CCDC150: variants seen among roughly 807,000 people sequenced by gnomAD.
CCDC150 encodes coiled-coil domain-containing protein 150.
In CCDC150, 151 loss-of-function variants were observed where a neutral mutation model predicts 156.5. That is an observed-to-expected ratio of 0.97 (90% CI 0.85 to 1.10). The LOEUF (loss-of-function observed/expected upper bound fraction) is 1.10. Ranked by LOEUF, CCDC150 falls within the 50% of genes least tolerant of loss-of-function variation. The pLI is 0.00. For synonymous variants in CCDC150, 452 were observed against 429.4 expected (o/e 1.05, Z -0.65); for missense variants, 1,312 against 1,268.1 (o/e 1.03, Z -0.53).
chr2:196,723,225 G>A (rs1698023847), intron 21 of CCDC150, among the ~76,000 whole-genome samples: 2 of 152,180 alleles, frequency 1.3e-5, no homozygotes, highest in African/African-American at 4.8e-5. Context: ...GCTAAACGCC[G>A]GGTGCGGTGG....
rs72918635 is a variant in CCDC150, at chr2:196,694,427, A to G, written c.1510-619A>G. Among the ~76,000 whole-genome samples, 866 of 152,310 alleles carry G rather than the reference A, an allele frequency of 5.7e-3. 3 individuals carry two copies. The highest frequency in any genetic ancestry group is 9.8e-3 in the Non-Finnish European group (665 of 68,030). ...AAATACCAGAAGGACTTTAACTTAT[A>G]GTAAAGGGGAACTATATAATTTACG... On this transcript the variant is annotated intron_variant, in intron 13 of 27. Transcript: ENST00000389175.
chr2:196,669,319 C>T (rs1310448241), intron 7 of CCDC150, among the ~76,000 whole-genome samples: 1 of 152,128 alleles, frequency 6.6e-6, no homozygotes, highest in Non-Finnish European at 1.5e-5. Context: ...CCACTGTTTA[C>T]CCTGCTGCCC....
intron 8 of CCDC150, among the ~76,000 whole-genome samples, chr2:196,671,479 G>C (rs1694202824): frequency 7.0e-6 from 1 of 143,010 alleles, no homozygotes; most frequent in African/African-American, 2.6e-5. Context: ...ACTCAGGCTG[G>C]AGTGCATTGG....
chr2:196,679,162 G>A (rs1575818138), intron 13 of CCDC150, among the ~76,000 whole-genome samples: 1 of 152,070 alleles, frequency 6.6e-6, no homozygotes, highest in African/African-American at 2.4e-5. Flanking sequence ...AAAAAGTCAG[G>A]TTAATTGTTA....
intron 24 of CCDC150, 42 bp from the exon 25 acceptor site, chr2:196,729,915 G>A (rs1320984184): frequency 6.2e-7 from 1 of 1,606,888 alleles, no homozygotes; most frequent in East Asian, 2.2e-5. Flanking sequence ...TCTCAAACTT[G>A]GAGGGTGTTC....
chr2:196,716,217 G>C (rs1040994918), intron 17 of CCDC150, among the ~76,000 whole-genome samples: 16 of 152,142 alleles, frequency 1.1e-4, no homozygotes, highest in South Asian at 2.1e-4. Context: ...CTTTAAAAGC[G>C]AAACATACTA....
Position 196,729,303 on chromosome 2 carries a change from G to C in CCDC150, c.2667G>C (p.Lys889Asn). Residue 889 changes from lysine to asparagine, a missense_variant, in exon 23 of 28, where the codon AAG becomes AAC. Physicochemically the swap from Lys to Asn is moderately conservative, Grantham distance 94. Coordinates refer to ENST00000389175, the MANE Select transcript of CCDC150 (RefSeq NM_001080539.2). ...TAGAAAAAATACTAGAAAGTAACAA[G>C]GAGAAAATAAAGAATCAAAAGACCC... ...AELEKILESN[K>N]EKIKNQKTQI... is the part of the protein sequence containing the mutation. 1.2e-6 allele frequency: 2 copies of C among 1,613,508 alleles called. No homozygotes were observed. Among genetic ancestry groups the C allele is most frequent in the South Asian group, 2.2e-5 (2 of 91,052 alleles).
rs1310948387 is a variant in CCDC150 at position 196,656,567 on chromosome 2, A to T, written c.177-66A>T. On this transcript the variant is annotated intron_variant, in intron 2 of 27. Coordinates refer to ENST00000389175, the MANE Select transcript of CCDC150 (RefSeq NM_001080539.2). ...CTTATTGGAAATGTTACATTGACTC[A>T]GTTTTTGGGATTACCATAGTAGAAA... 3 of 1,074,740 alleles carry T rather than the reference A, an allele frequency of 2.8e-6. No individual in the cohort carries two copies. In the African/African-American group the frequency reaches 4.8e-5, roughly 17 times the overall value. 66.6% of individuals were successfully genotyped at this position (1,074,740 alleles called of 1,614,324 possible).
At chr2:196,688,741 T>C (rs1301970557) in intron 13 of CCDC150, among the ~76,000 whole-genome samples, 2 of 151,970 alleles carry the variant, frequency 1.3e-5, no homozygotes, top group Non-Finnish European at 2.9e-5. Context: ...AGAAGCTCTT[T>C]AGTTTAATTA....
At chr2:196,717,247 T>C (rs1248758309) in intron 17 of CCDC150, among the ~76,000 whole-genome samples, 2 of 152,006 alleles carry the variant, frequency 1.3e-5, no homozygotes, top group Non-Finnish European at 2.9e-5. Flanking sequence ...TACATCAGTG[T>C]AGTATGGGAA....
At chr2:196,691,038 A>C (rs1467894142) in intron 13 of CCDC150, among the ~76,000 whole-genome samples, 1 of 150,538 alleles carries the variant, frequency 6.6e-6, no homozygotes, top group Admixed American at 6.7e-5. Flanking sequence ...ACTACCTTGC[A>C]TCCCAGGGAT....
chr2:196,649,455 C>T (rs933837792), intron 2 of CCDC150, among the ~76,000 whole-genome samples: 3 of 152,080 alleles, frequency 2.0e-5, no homozygotes, highest in Non-Finnish European at 2.9e-5. Flanking sequence ...ATACAAATAC[C>T]ATTGTTTTAC....
chr2:196,666,801 A>G lies in CCDC150; in HGVS notation c.845A>G (p.Lys282Arg). 2 of 1,613,846 alleles carry G rather than the reference A, an allele frequency of 1.2e-6. No homozygotes were observed. Among genetic ancestry groups the G allele is most frequent in the Non-Finnish European group, 8.5e-7 (1 of 1,179,780 alleles). The change falls in exon 7 of 28, where the codon AAA becomes AGA. Residue 282 changes from lysine to arginine, a missense_variant. Transcript: ENST00000389175. ...AQELLAQEQK[K>R]KEELEIATSQ... is the part of the protein sequence containing the mutation. ...GAACTACTGGCCCAGGAACAAAAAAAAAAAGAAGAGTTGGAGATTGCTACT... is the reference window on the plus strand; with the variant it reads ...GAACTACTGGCCCAGGAACAAAAAAGAAAAGAAGAGTTGGAGATTGCTACT...
At chr2:196,688,179 T>C (rs1344822389) in intron 13 of CCDC150, among the ~76,000 whole-genome samples, 1 of 152,240 alleles carries the variant, frequency 6.6e-6, no homozygotes, top group Non-Finnish European at 1.5e-5. Context: ...ATTGAATCTG[T>C]AAATTGCTTT....
intron 14 of CCDC150, among the ~76,000 whole-genome samples, chr2:196,696,414 C>T (rs536622498): frequency 6.6e-6 from 1 of 152,316 alleles, no homozygotes; most frequent in African/African-American, 2.4e-5. Context: ...ATGTCCTTTG[C>T]TGGTTGGCCA....
Position 196,676,692 on chromosome 2 carries a change from G to A in CCDC150, c.1401G>A (p.Lys467=), listed in dbSNP as rs573365535. 119 of 1,613,808 alleles carry A rather than the reference G, an allele frequency of 7.4e-5. No individual in the cohort carries two copies. The highest frequency in any genetic ancestry group is 1.7e-4 in the Middle Eastern group (1 of 6,060). ...RGELEASMQE[K]KSLLEEKERF... ...AATTGGAAGCATCAATGCAAGAGAA[G>A]AAGTCTCTGCTAGAGGAGAAAGAAA... The change falls in exon 12 of 28, where the codon AAG becomes AAA. Residue 467 remains lysine, a synonymous_variant. Transcript: ENST00000389175.
In CCDC150 at chr2:196,676,567, C is replaced by A. The variant is rs377015579; in HGVS notation, c.1276C>A (p.Leu426Ile). ...QLQAHLDHLI[L>I]EHNQCIQKAQ... ...CTCTTCCTGCAGGGATCATTTAATC[C>A]TTGAGCATAACCAGTGTATCCAGAA... The change falls in exon 12 of 28, where the codon CTT (leucine) becomes ATT (isoleucine). Residue 426 changes from leucine to isoleucine, a missense_variant. Physicochemically the swap from Leu to Ile is conservative, Grantham distance 5. Transcript: ENST00000389175. 18 of 1,612,182 alleles carry A rather than the reference C, an allele frequency of 1.1e-5. No individual in the cohort carries two copies. Among genetic ancestry groups the A allele is most frequent in the Admixed American group, 3.3e-5 (2 of 59,754 alleles).
chr2:196,732,398 G>A (rs774315869), intron 27 of CCDC150, 48 bp from the exon 28 acceptor site: 5 of 1,377,108 alleles, frequency 3.6e-6, no homozygotes, highest in Non-Finnish European at 5.2e-6. Flanking sequence ...GCAGATTGCT[G>A]CAGTTAGCTC....
rs1391938379 is a variant in CCDC150, at chr2:196,721,669, C to T, written c.2407C>T (p.Arg803Ter). The T allele has an allele frequency of 4.4e-6, 7 of 1,598,112 alleles. No individual in the cohort carries two copies. Among genetic ancestry groups the T allele is most frequent in the East Asian group, 2.2e-5 (1 of 44,474 alleles). Residue 803 changes from arginine (R) to a stop codon, truncating the protein, a stop_gained, in exon 21 of 28, where the codon CGA becomes TGA. Coordinates refer to ENST00000389175, the MANE Select transcript of CCDC150 (RefSeq NM_001080539.2). LOFTEE classifies it high-confidence loss of function. ...GCAATTGGAAAGCAAAGAACTTGAG[C>T]GACAGAATTTGGAAACCTTCAAGTA... is the stretch of plus-strand genomic sequence containing the variant. ...QEQLESKELERQNLETFKDRM... is the reference protein window; with the variant it reads ...QEQLESKELE
Sources: gnomAD v4.1 joint callset for allele counts (sites outside exome capture counted in the v4.1 genomes callset) on GRCh38, gnomAD v4.1.1 for gene constraint, MANE v1.5 for transcripts, NCBI Gene and HGNC (gene_info 2026-07-23, HGNC 2026-07-21) for gene names.